The following C8A variants were observed in gnomAD, a reference collection of about 807,000 sequenced individuals.
C8A encodes the protein complement C8 alpha chain.
C8A carries 67 observed loss-of-function variants against 65.3 expected under a neutral mutation model. The observed-to-expected ratio is 1.03, with a 90% CI of 0.84 to 1.26. The LOEUF is 1.26. Ranked by LOEUF, C8A falls within the 50% of genes most tolerant of loss-of-function variation. The pLI, the probability that C8A is intolerant of heterozygous loss-of-function variation, is 0.00. For missense variants in C8A, 781 were observed against 723.9 expected, an observed-to-expected ratio of 1.08 and a Z score of -0.90; for synonymous variants, 290 against 259.4, an observed-to-expected ratio of 1.12 and a Z score of -1.13.
chr1:56,885,571 T>G (rs1570333980), intron 6 of C8A, among the ~76,000 whole-genome samples: 1 of 147,600 alleles, frequency 6.8e-6, no homozygotes, highest in Admixed American at 6.8e-5. Flanking sequence ...TTTTGTTTGT[T>G]TTTTTTTTTG....
At chr1:56,909,115 C>T (rs1570352958) in intron 9 of C8A, among the ~76,000 whole-genome samples, 1 of 152,228 alleles carries the variant, frequency 6.6e-6, no homozygotes, top group East Asian at 1.9e-4. Flanking sequence ...AATGCTTAAC[C>T]TCACAAAGTG....
At chr1:56,890,000 T>C (rs1644332071) in intron 7 of C8A, among the ~76,000 whole-genome samples, 1 of 152,180 alleles carries the variant, frequency 6.6e-6, no homozygotes, top group South Asian at 2.1e-4. Context: ...TAGATTTTTT[T>C]CCCCTCCTTC....
intron 2 of C8A, among the ~76,000 whole-genome samples, 156 bp downstream of exon 2, chr1:56,867,858 T>C (rs1281384805): frequency 6.6e-6 from 1 of 152,176 alleles, no homozygotes; most frequent in Non-Finnish European, 1.5e-5. Context: ...ATGGTGAAAC[T>C]TGTTTCCGTG....
At chr1:56,858,972 G>A (rs1644003932) in intron 1 of C8A, among the ~76,000 whole-genome samples, 1 of 152,130 alleles carries the variant, frequency 6.6e-6, no homozygotes, top group African/African-American at 2.4e-5. Flanking sequence ...TTCTTGTCAG[G>A]ACTTTAGTAA....
intron 1 of C8A, among the ~76,000 whole-genome samples, chr1:56,860,541 T>A (rs1041064935): frequency 6.6e-6 from 1 of 152,092 alleles, no homozygotes; most frequent in African/African-American, 2.4e-5. Flanking sequence ...AGAGAATGGA[T>A]TGGAGAAAGG....
At chr1:56,909,544 T>C (rs1361857103) in intron 9 of C8A, among the ~76,000 whole-genome samples, 1 of 152,168 alleles carries the variant, frequency 6.6e-6, no homozygotes, top group Non-Finnish European at 1.5e-5. Flanking sequence ...TCAGGAGTAA[T>C]ACATAAACTT....
intron 7 of C8A, among the ~76,000 whole-genome samples, chr1:56,897,769 G>A (rs1644397004): frequency 1.3e-5 from 2 of 152,106 alleles, no homozygotes; most frequent in Admixed American, 1.3e-4. Context: ...AACAATCTCA[G>A]GGGAAAAACC....
At chr1:56,897,114 C>T (rs3768215) in intron 7 of C8A, among the ~76,000 whole-genome samples, 22,218 of 152,136 alleles carry the variant, frequency 0.15, 1,963 homozygotes, top group East Asian at 0.36. Flanking sequence ...TTTCTAAGAA[C>T]ATCAAACTGT....
intron 10 of C8A, among the ~76,000 whole-genome samples, chr1:56,914,013 C>T (rs1182865305): frequency 1.3e-5 from 2 of 152,178 alleles, no homozygotes; most frequent in Admixed American, 6.5e-5. Flanking sequence ...GTTCTTGGTG[C>T]CACACCTCAC....
intron 10 of C8A, among the ~76,000 whole-genome samples, chr1:56,916,869 C>T (rs115806842): frequency 0.024 from 3,697 of 152,332 alleles, 170 homozygotes; most frequent in African/African-American, 0.084. Flanking sequence ...TGTTCAGATG[C>T]TCTGTGCAGA....
chr1:56,876,652 C>A (rs1014405581), intron 4 of C8A, among the ~76,000 whole-genome samples: 1 of 151,918 alleles, frequency 6.6e-6, no homozygotes, highest in Non-Finnish European at 1.5e-5. Context: ...AGAAAATGGG[C>A]TCAGGGTGAG....
intron 7 of C8A, among the ~76,000 whole-genome samples, chr1:56,901,670 G>A (rs1237515954): frequency 1.3e-5 from 2 of 152,084 alleles, no homozygotes; most frequent in Non-Finnish European, 2.9e-5. Flanking sequence ...TGGAGTTTAA[G>A]TCACATTGGC....
chr1:56,917,509 CCCTT>C, intron 10 of C8A, 52 bp from the exon 11 acceptor site: 2 of 1,592,858 alleles, frequency 1.3e-6, no homozygotes, highest in Non-Finnish European at 1.7e-6. Flanking sequence ...ACCAGACAGG[CCCTT>C]CCTTCTTAGC....
chr1:56,900,464 C>G (rs1176514887), intron 7 of C8A, among the ~76,000 whole-genome samples: 2 of 152,152 alleles, frequency 1.3e-5, no homozygotes, highest in East Asian at 3.9e-4. Context: ...ATGAGTTACT[C>G]AAGTCACTAC....
chr1:56,903,096 A>G (rs1228932144), intron 7 of C8A, among the ~76,000 whole-genome samples: 3 of 152,002 alleles, frequency 2.0e-5, no homozygotes, highest in Non-Finnish European at 4.4e-5. Context: ...TTTTGTCTGT[A>G]GGGTAGGATG....
chr1:56,860,423 A>G (rs1026446523), intron 1 of C8A, among the ~76,000 whole-genome samples: 1 of 152,176 alleles, frequency 6.6e-6, no homozygotes, highest in African/African-American at 2.4e-5. Flanking sequence ...AATTGAGTGT[A>G]TGGGTAGTAA....
At chr1:56,872,299 G>T (rs1205474000) in intron 2 of C8A, among the ~76,000 whole-genome samples, 2 of 152,170 alleles carry the variant, frequency 1.3e-5, no homozygotes, top group Admixed American at 1.3e-4. Flanking sequence ...GAGTTGGAGA[G>T]CACTATGCCA....
chr1:56,873,528 A>G (rs1644168059), intron 2 of C8A, among the ~76,000 whole-genome samples: 2 of 152,172 alleles, frequency 1.3e-5, no homozygotes, highest in African/African-American at 2.4e-5. Context: ...ATTAGTCACT[A>G]TAATTAGGTA....
At chr1:56,903,072 T>G (rs1483260025) in intron 7 of C8A, among the ~76,000 whole-genome samples, 3 of 152,176 alleles carry the variant, frequency 2.0e-5, no homozygotes, top group Non-Finnish European at 4.4e-5. Context: ...CTCACTGTGC[T>G]TATTCATTTG....
Sources: allele counts gnomAD v4.1 joint callset (sites outside exome capture counted in the v4.1 genomes callset), GRCh38; gene constraint gnomAD v4.1.1; transcripts MANE v1.5; gene names NCBI Gene and HGNC (gene_info 2026-07-23, HGNC 2026-07-21).